Variants in DYNC1I2 observed in about 807,000 individuals in gnomAD.
DYNC1I2 encodes cytoplasmic dynein 1 intermediate chain 2.
Under a neutral mutation model 88.6 loss-of-function variants are expected in DYNC1I2, and 53 were observed. That is an observed-to-expected ratio of 0.60 (90% CI 0.48 to 0.75). DYNC1I2 has a LOEUF of 0.75. Ranked by LOEUF, DYNC1I2 falls within the 30% of genes least tolerant of loss-of-function variation. DYNC1I2 has a pLI of 0.00. For synonymous variants in DYNC1I2, 198 were observed against 254.6 expected, an observed-to-expected ratio of 0.78 and a Z score of 2.12; for missense variants, 458 against 766.6, an observed-to-expected ratio of 0.60 and a Z score of 4.75.
At chr2:171,716,942 C>CA (rs1447022891) in intron 7 of DYNC1I2, among the ~76,000 whole-genome samples, 3 of 151,614 alleles carry the variant, frequency 2.0e-5, no homozygotes, top group African/African-American at 7.3e-5. Flanking sequence ...TAACTATTTA[C>CA]AACCTTTTGA....
Position 171,726,212 on chromosome 2 carries a change from T to G in DYNC1I2, c.789T>G (p.Ala263=). The G allele has an allele frequency of 2.5e-6, 4 of 1,611,868 alleles. No homozygotes were observed. The highest frequency in any genetic ancestry group is 3.4e-6 in the Non-Finnish European group (4 of 1,179,116). ...TTTGTAGAGAGATTCAAGCAGGTGC[T>G]AAACTGTCATTAAATCGACAATTTT... ...EDKEGEIQAG[A]KLSLNRQFFD... is the part of the protein sequence containing the mutation. Residue 263 remains alanine (A), a synonymous_variant, in exon 10 of 18, where the codon GCT becomes GCG. Transcript: ENST00000397119.
At chr2:171,692,750 C>A in intron 2 of DYNC1I2, 27 bp from the exon 3 acceptor site, 2 of 1,516,940 alleles carry the variant, frequency 1.3e-6, no homozygotes, top group Non-Finnish European at 1.8e-6. Flanking sequence ...TATATGTAAA[C>A]ATAAGTTTTT....
In DYNC1I2 at chr2:171,714,502, G is replaced by T. The variant is rs896249275; in HGVS notation, c.396-826G>T. Reference sequence around the variant, plus strand: ...AGAACTTTTTTGGGAGTCTGGAAGCGTACTTTATTTGGTTTAGGATTTAAA... The same window carrying T: ...AGAACTTTTTTGGGAGTCTGGAAGCTTACTTTATTTGGTTTAGGATTTAAA... On this transcript the variant is annotated intron_variant, in intron 6 of 17. Coordinates refer to ENST00000397119, the MANE Select transcript of DYNC1I2 (RefSeq NM_001378.3). Among the ~76,000 whole-genome samples, 7 of 152,146 alleles carry T rather than the reference G, an allele frequency of 4.6e-5. No homozygotes were observed. In the East Asian group the frequency reaches 1.3e-3, roughly 29 times the overall value.
At chr2:171,731,651 G>A (rs1290888803) in intron 15 of DYNC1I2, among the ~76,000 whole-genome samples, 2 of 152,094 alleles carry the variant, frequency 1.3e-5, no homozygotes, top group African/African-American at 4.8e-5. Context: ...TACTTGGGAG[G>A]CTGAGGTGGG....
chr2:171,729,085 G>A (rs11897196), intron 14 of DYNC1I2, among the ~76,000 whole-genome samples: 43,892 of 151,958 alleles, frequency 0.29, 6,644 homozygotes, highest in African/African-American at 0.38. Context: ...ATGTACTCAC[G>A]TAAGTTAGTG....
intron 6 of DYNC1I2, among the ~76,000 whole-genome samples, chr2:171,714,878 C>A (rs1053610870): frequency 3.9e-5 from 6 of 152,152 alleles, no homozygotes; most frequent in South Asian, 4.2e-4. Context: ...CAACAGAAAC[C>A]TGTTTTTCAG....
intron 4 of DYNC1I2, 130 bp downstream of exon 4, chr2:171,706,694 A>G: frequency 1.2e-6 from 1 of 805,550 alleles, no homozygotes; most frequent in Non-Finnish European, 2.0e-6. Flanking sequence ...AAACTAATGA[A>G]CATTTTAAAG....
intron 3 of DYNC1I2, among the ~76,000 whole-genome samples, chr2:171,697,013 A>T (rs1197461241): frequency 4.0e-5 from 6 of 151,360 alleles, no homozygotes; most frequent in Non-Finnish European, 8.9e-5. Flanking sequence ...TATTATTATT[A>T]TTTTTGAGAC....
chr2:171,714,860 A>G (rs1415212073), intron 6 of DYNC1I2, among the ~76,000 whole-genome samples: 1 of 152,202 alleles, frequency 6.6e-6, no homozygotes, highest in Non-Finnish European at 1.5e-5. Flanking sequence ...AAGTAGAAAA[A>G]AAGCTTTCAA....
In DYNC1I2 at chr2:171,729,833, G is replaced by A; in HGVS notation, c.1516G>A (p.Val506Ile). 1.2e-6 allele frequency: 2 copies of A among 1,613,714 alleles called. No homozygotes were observed. Among genetic ancestry groups the A allele is most frequent in the East Asian group, 4.5e-5 (2 of 44,876 alleles). ...TGTCACTTCATCGTTTGACTGGACA[G>A]TAAAGCTTTGGACAACTAAGGTATC... ...LFVTSSFDWT[V>I]KLWTTKNNKP... Residue 506 changes from valine to isoleucine, a missense_variant, in exon 15 of 18, where the codon GTA (valine) becomes ATA (isoleucine). This residue lies in a region of DYNC1I2 where 188 missense variants were observed against 300.4 expected (regional missense o/e 0.63). Coordinates refer to ENST00000397119, the MANE Select transcript of DYNC1I2 (RefSeq NM_001378.3).
intron 5 of DYNC1I2, among the ~76,000 whole-genome samples, chr2:171,710,358 C>G (rs1479434456): frequency 2.6e-5 from 4 of 151,956 alleles, no homozygotes; most frequent in Non-Finnish European, 5.9e-5. Context: ...AGAATAAAGA[C>G]AATTAGAAGA....
chr2:171,715,137 A>G (rs1277010685), intron 6 of DYNC1I2, among the ~76,000 whole-genome samples, 191 bp from the exon 7 acceptor site: 2 of 152,176 alleles, frequency 1.3e-5, no homozygotes, highest in Admixed American at 6.5e-5. Context: ...TGATTCAGAA[A>G]TATCTTTTGC....
intron 5 of DYNC1I2, among the ~76,000 whole-genome samples, chr2:171,708,067 T>TCACA (rs71013065): frequency 3.3e-5 from 5 of 149,444 alleles, no homozygotes; most frequent in African/African-American, 4.9e-5. Context: ...TTTGTCTCTC[T>TCACA]CACACACACA....
intron 3 of DYNC1I2, among the ~76,000 whole-genome samples, chr2:171,701,173 G>T (rs1490230793): frequency 6.6e-6 from 1 of 152,188 alleles, no homozygotes; most frequent in African/African-American, 2.4e-5. Context: ...CTTTAAAAGA[G>T]ATCATTCCCC....
chr2:171,737,215 A>C (rs1290221368), intron 15 of DYNC1I2, among the ~76,000 whole-genome samples: 1 of 151,750 alleles, frequency 6.6e-6, no homozygotes, highest in African/African-American at 2.4e-5. Flanking sequence ...ATGGCATTCT[A>C]CCTGTTTGTG....
chr2:171,738,182 A>T (rs1035156658), intron 15 of DYNC1I2, among the ~76,000 whole-genome samples: 4 of 151,972 alleles, frequency 2.6e-5, no homozygotes, highest in Admixed American at 2.0e-4. Flanking sequence ...AAATACAAAA[A>T]TTAGCTGGGC....
intron 17 of DYNC1I2, among the ~76,000 whole-genome samples, 158 bp downstream of exon 17, chr2:171,746,085 A>G (rs780614378): frequency 6.6e-6 from 1 of 152,238 alleles, no homozygotes. Context: ...CAGCTCTTGA[A>G]ACATTTTCTT....
At chr2:171,738,383 G>A (rs1269133392) in intron 15 of DYNC1I2, among the ~76,000 whole-genome samples, 1 of 151,948 alleles carries the variant, frequency 6.6e-6, no homozygotes, top group African/African-American at 2.4e-5. Context: ...GGCTTCTTTT[G>A]CTCAACATTA....
At chr2:171,722,766 A>G (rs1054997755) in intron 7 of DYNC1I2, among the ~76,000 whole-genome samples, 1 of 152,138 alleles carries the variant, frequency 6.6e-6, no homozygotes, top group African/African-American at 2.4e-5. Context: ...AAAAGATTGC[A>G]TTTTACAGTT....
Sources: gnomAD v4.1 joint callset for allele counts (sites outside exome capture counted in the v4.1 genomes callset) on GRCh38, gnomAD v4.1.1 for gene constraint, gnomAD v4.1.1 regional missense constraint, MANE v1.5 for transcripts, NCBI Gene and HGNC (gene_info 2026-07-23, HGNC 2026-07-21) for gene names.